The following ZC3H12D variants were observed in gnomAD, a reference collection of about 807,000 sequenced individuals.
ZC3H12D encodes probable ribonuclease ZC3H12D.
Under a neutral mutation model 24.2 loss-of-function variants are expected in ZC3H12D, and 11 were observed. That is an observed-to-expected ratio of 0.46 (90% CI 0.29 to 0.75). ZC3H12D has a LOEUF of 0.75. Ranked by LOEUF, ZC3H12D falls within the 30% of genes least tolerant of loss-of-function variation. The pLI is 0.11. For synonymous variants in ZC3H12D, 333 were observed against 341.8 expected (o/e 0.97, Z 0.28); for missense variants, 740 against 767.7 (o/e 0.96, Z 0.43).
intron 2 of ZC3H12D, among the ~76,000 whole-genome samples, chr6:149,470,411 C>T (rs1008766762): frequency 2.6e-4 from 40 of 151,754 alleles, no homozygotes; most frequent in Non-Finnish European, 7.4e-5. Flanking sequence ...GGCAGGCACC[C>T]GTAATCCCAG....
Position 149,461,816 on chromosome 6 carries a change from T to A in ZC3H12D, c.445+15A>T, listed in dbSNP as rs1296712541. 6.4e-7 allele frequency: 1 copy of A among 1,551,664 alleles called. No homozygotes were observed. The highest frequency in any genetic ancestry group is 8.7e-7 in the Non-Finnish European group (1 of 1,147,396). ...GTGTCTAGTACCTCTTGAGCATACA[T>A]CTGCTCCAGCATACCTCTGATAGGG... is the stretch of plus-strand genomic sequence containing the variant. On this transcript the variant is annotated intron_variant, in intron 3 of 5. Transcript: ENST00000409806.
intron 4 of ZC3H12D, among the ~76,000 whole-genome samples, chr6:149,453,537 A>C (rs1385375241): frequency 6.6e-6 from 1 of 152,088 alleles, no homozygotes; most frequent in Non-Finnish European, 1.5e-5. Flanking sequence ...CTGAGGCAGG[A>C]GAATTGCTTG....
rs1006250515 is a variant in ZC3H12D at position 149,448,736 on chromosome 6, G to A, written c.*1947C>T. The A allele has an allele frequency of 1.3e-5, 2 of 152,220 alleles. No homozygotes were observed. The highest frequency in any genetic ancestry group is 4.8e-5 in the African/African-American group (2 of 41,446). The allele number at this position is 152,220 out of a possible 1,614,324, so 9.4% of individuals were successfully genotyped here. A position where few individuals can be genotyped will look rare whatever the true frequency, so the allele number is the denominator to read the frequency against. On this transcript the variant is annotated 3_prime_UTR_variant, in exon 6 of 6. Coordinates refer to ENST00000409806, the MANE Select transcript of ZC3H12D (RefSeq NM_207360.3). Reference sequence around the variant, plus strand: ...CCATGCTAAGAATCTGGTTTTAAAAGATCAAAGAAGTTTCAGAGAAAAACC... The same window carrying A: ...CCATGCTAAGAATCTGGTTTTAAAAAATCAAAGAAGTTTCAGAGAAAAACC...
chr6:149,461,941 C>G lies in ZC3H12D; in HGVS notation c.335G>C (p.Arg112Pro), dbSNP rs776664471. ...SHGNKETFSC[R>P]GIKLAVDWFR... is the part of the protein sequence containing the mutation. ...CCAGTCAACAGCCAGCTTGATTCCCCGGCAAGAGAAGGTTTCTTTATTTCC... is the reference window on the plus strand; with the variant it reads ...CCAGTCAACAGCCAGCTTGATTCCCGGGCAAGAGAAGGTTTCTTTATTTCC... The change falls in exon 3 of 6, where the codon CGG becomes CCG. Residue 112 changes from arginine (R) to proline (P), a missense_variant. Coordinates refer to ENST00000409806, the MANE Select transcript of ZC3H12D (RefSeq NM_207360.3). 6.2e-7 allele frequency: 1 copy of G among 1,611,820 alleles called. No homozygotes were observed. The highest frequency in any genetic ancestry group is 2.2e-5 in the East Asian group (1 of 44,824).
At chr6:149,465,497 G>A (rs991018106) in intron 2 of ZC3H12D, among the ~76,000 whole-genome samples, 33 of 152,172 alleles carry the variant, frequency 2.2e-4, no homozygotes, top group Non-Finnish European at 7.3e-5. Flanking sequence ...GCTCACACCT[G>A]TAATCCCAGC....
rs199975356 is a variant in ZC3H12D, at chr6:149,474,416, G to A, written c.128C>T (p.Thr43Met). ...VNDVLQELIRTGSRPGALEHP... is the reference protein window; with the variant it reads ...VNDVLQELIRMGSRPGALEHP... ...CTCCAGGGCACCCGGGCGGCTGCCCGTGCGGATAAGCTCCTGCAGCACGTC... is the reference window on the plus strand; with the variant it reads ...CTCCAGGGCACCCGGGCGGCTGCCCATGCGGATAAGCTCCTGCAGCACGTC... The change falls in exon 2 of 6, where the codon ACG becomes ATG. Residue 43 changes from threonine (T) to methionine (M), a missense_variant. By Grantham distance (81) the Thr-to-Met change is moderately conservative (BLOSUM62 -1). Transcript: ENST00000409806. 87 of 1,608,226 alleles carry A rather than the reference G, an allele frequency of 5.4e-5. No homozygotes were observed. Among genetic ancestry groups the A allele is most frequent in the Non-Finnish European group, 6.2e-5 (73 of 1,175,832 alleles).
rs1220835139 is a variant in ZC3H12D, at chr6:149,461,893, T to A, written c.383A>T (p.Tyr128Phe). 3 of 1,604,716 alleles carry A rather than the reference T, an allele frequency of 1.9e-6. No individual in the cohort carries two copies. The highest frequency in any genetic ancestry group is 3.4e-5 in the Admixed American group (2 of 58,682). Residue 128 changes from tyrosine to phenylalanine, a missense_variant, in exon 3 of 6, where the codon TAC becomes TTC. Physicochemically the swap from Tyr to Phe is conservative, Grantham distance 22. Transcript: ENST00000409806. The part of the protein sequence containing the change: ...VDWFRDRGHT[Y>F]IKVFVPSWRK... Reference sequence around the variant, plus strand: ...CCAGGATGGAACAAAAACTTTGATGTAGGTGTGTCCTCTGTCCCTGAACCA... The same window carrying A: ...CCAGGATGGAACAAAAACTTTGATGAAGGTGTGTCCTCTGTCCCTGAACCA...
At chr6:149,483,614 A>G (rs985767684) in intron 1 of ZC3H12D, among the ~76,000 whole-genome samples, 3 of 152,214 alleles carry the variant, frequency 2.0e-5, no homozygotes, top group African/African-American at 4.8e-5. Context: ...TATTTTGCTC[A>G]GCATTATATC....
intron 2 of ZC3H12D, among the ~76,000 whole-genome samples, chr6:149,473,772 T>C (rs933851279): frequency 6.6e-6 from 1 of 152,122 alleles, no homozygotes; most frequent in Non-Finnish European, 1.5e-5. Flanking sequence ...AAGAGATATT[T>C]GTGGGCCTCT....
chr6:149,460,805 G>C (rs1776060458), intron 3 of ZC3H12D, among the ~76,000 whole-genome samples: 1 of 151,118 alleles, frequency 6.6e-6, no homozygotes. Flanking sequence ...ACTATGGCCT[G>C]GGCGACAAGA....
In ZC3H12D at chr6:149,448,725, T is replaced by C. The variant is rs1404675914; in HGVS notation, c.*1958A>G. On this transcript the variant is annotated 3_prime_UTR_variant, in exon 6 of 6. Transcript: ENST00000409806. ...TCTGGCTCAATCCATGCTAAGAATC[T>C]GGTTTTAAAAGATCAAAGAAGTTTC... The C allele has an allele frequency of 1.3e-5, 2 of 152,264 alleles. No individual in the cohort carries two copies. Among genetic ancestry groups the C allele is most frequent in the East Asian group, 1.9e-4 (1 of 5,206 alleles). 9.4% of individuals were successfully genotyped at this position (152,264 alleles called of 1,614,324 possible).
At chr6:149,470,544 A>AT (rs1776228367) in intron 2 of ZC3H12D, among the ~76,000 whole-genome samples, 1 of 151,920 alleles carries the variant, frequency 6.6e-6, no homozygotes, top group Non-Finnish European at 1.5e-5. Flanking sequence ...AAGAAAAAAA[A>AT]AATAAAAATA....
intron 1 of ZC3H12D, among the ~76,000 whole-genome samples, chr6:149,476,677 G>A (rs1028052616): frequency 2.6e-5 from 4 of 151,964 alleles, no homozygotes; most frequent in African/African-American, 7.3e-5. Flanking sequence ...GCATGGTGGC[G>A]TTGGCCTGTA....
chr6:149,449,399 A>T lies in ZC3H12D; in HGVS notation c.*1284T>A, dbSNP rs1775839030. On this transcript the variant is annotated 3_prime_UTR_variant, in exon 6 of 6. Transcript: ENST00000409806. ...TTTGAGGCTGCAGTGAGCTATGATC[A>T]CACTACTATACTCCAGACAGAGTGA... is the stretch of plus-strand genomic sequence containing the variant. 1 of 152,082 alleles carries T rather than the reference A, an allele frequency of 6.6e-6. No individual in the cohort carries two copies. Among genetic ancestry groups the T allele is most frequent in the Admixed American group, 6.5e-5 (1 of 15,274 alleles). 9.4% of individuals were successfully genotyped at this position (152,082 alleles called of 1,614,324 possible).
At chr6:149,470,541 A>AT (rs953064220) in intron 2 of ZC3H12D, among the ~76,000 whole-genome samples, 16 of 151,962 alleles carry the variant, frequency 1.1e-4, no homozygotes, top group East Asian at 1.9e-4. Context: ...CTGAAGAAAA[A>AT]AAAAATAAAA....
At chr6:149,458,805 C>A (rs964963730) in intron 3 of ZC3H12D, among the ~76,000 whole-genome samples, 9 of 152,156 alleles carry the variant, frequency 5.9e-5, no homozygotes, top group Admixed American at 5.9e-4. Flanking sequence ...AAATGGCCTC[C>A]TATTGTGGTT....
chr6:149,470,888 G>T (rs1776233350), intron 2 of ZC3H12D, among the ~76,000 whole-genome samples: 1 of 152,262 alleles, frequency 6.6e-6, no homozygotes. Flanking sequence ...CAGGGCAGGG[G>T]TGGGCCTTGC....
rs1369867694 is a variant in ZC3H12D, at chr6:149,461,889, G to T, written c.387C>A (p.Ile129=). ...TCCTCCAGGATGGAACAAAAACTTT[G>T]ATGTAGGTGTGTCCTCTGTCCCTGA... ...DWFRDRGHTY[I]KVFVPSWRKD... The change falls in exon 3 of 6, where the codon ATC becomes ATA. Residue 129 remains isoleucine, a synonymous_variant. Coordinates refer to ENST00000409806, the MANE Select transcript of ZC3H12D (RefSeq NM_207360.3). 6.2e-7 allele frequency: 1 copy of T among 1,601,960 alleles called. No individual in the cohort carries two copies. Among genetic ancestry groups the T allele is most frequent in the East Asian group, 2.2e-5 (1 of 44,572 alleles).
chr6:149,474,465 G>C lies in ZC3H12D; in HGVS notation c.79C>G (p.Leu27Val), dbSNP rs373666848. Residue 27 changes from leucine (L) to valine (V), a missense_variant, in exon 2 of 6, where the codon CTG becomes GTG. By Grantham distance (32) the Leu-to-Val change is conservative. Transcript: ENST00000409806. The stretch of plus-strand genomic sequence containing the variant: ...TCGTTGACCAGGGCGCCCTCGCCCA[G>C]CTTGCCCAACACCCGGAGCACATCC... ...REDVLRVLGK[L>V]GEGALVNDVL... 6.3e-7 allele frequency: 1 copy of C among 1,594,084 alleles called. No homozygotes were observed. The highest frequency in any genetic ancestry group is 1.3e-5 in the African/African-American group (1 of 74,406).
Sources: gnomAD v4.1 joint callset for allele counts (sites outside exome capture counted in the v4.1 genomes callset) on GRCh38, gnomAD v4.1.1 for gene constraint, MANE v1.5 for transcripts, NCBI Gene and HGNC (gene_info 2026-07-23, HGNC 2026-07-21) for gene names.